Variants in MAPKAP1 observed in about 807,000 individuals in gnomAD.
The protein encoded by MAPKAP1 is MAPK associated protein 1.
Under a neutral mutation model 65.7 loss-of-function variants are expected in MAPKAP1, and 20 were observed. That is an observed-to-expected ratio of 0.30 (90% CI 0.21 to 0.44). The LOEUF (loss-of-function observed/expected upper bound fraction) is 0.44, where lower values mean the gene tolerates loss of function less well. Ranked by LOEUF, MAPKAP1 falls within the 20% of genes least tolerant of loss-of-function variation. The pLI, the probability that MAPKAP1 is intolerant of heterozygous loss-of-function variation, is 1.00. For missense variants in MAPKAP1, 423 were observed against 648.0 expected (o/e 0.65, Z 3.77); for synonymous variants, 222 against 244.3 (o/e 0.91, Z 0.85).
intron 7 of MAPKAP1, among the ~76,000 whole-genome samples, chr9:125,526,221 C>A (rs981979585): frequency 6.6e-6 from 1 of 152,192 alleles, no homozygotes; most frequent in African/African-American, 2.4e-5. Flanking sequence ...TTTCCTATGA[C>A]CTCTTCTGTA....
Position 125,518,508 on chromosome 9 carries a change from A to T in MAPKAP1, c.959-12091T>A, listed in dbSNP as rs181077407. Among the ~76,000 whole-genome samples the T allele has an allele frequency of 5.5e-3, 793 of 145,118 alleles. 5 individuals carry two copies. Among genetic ancestry groups the T allele is most frequent in the African/African-American group, 0.018 (726 of 40,264 alleles). ...TGAAACCTCGTCGCTACAAAAAATT[A>T]AAAAAAAAAAAATTAGCTGGTTGTG... On this transcript the variant is annotated intron_variant, in intron 7 of 11. Transcript: ENST00000265960.
intron 4 of MAPKAP1, among the ~76,000 whole-genome samples, chr9:125,656,441 C>T (rs1458210834): frequency 1.3e-5 from 2 of 152,128 alleles, no homozygotes; most frequent in African/African-American, 4.8e-5. Context: ...CATATTAGGA[C>T]CTTTATATTA....
intron 1 of MAPKAP1, among the ~76,000 whole-genome samples, chr9:125,682,495 C>T (rs1834853544): frequency 6.6e-6 from 1 of 152,186 alleles, no homozygotes; most frequent in Admixed American, 6.5e-5. Context: ...AACAACCTAA[C>T]CACCCACCAC....
intron 10 of MAPKAP1, among the ~76,000 whole-genome samples, chr9:125,456,506 C>A (rs1853167753): frequency 1.3e-5 from 2 of 152,146 alleles, no homozygotes; most frequent in Non-Finnish European, 1.5e-5. Context: ...TGTGTAATGC[C>A]CTTGTCTTGT....
chr9:125,542,667 T>C (rs2133169625), intron 7 of MAPKAP1, among the ~76,000 whole-genome samples: 1 of 152,298 alleles, frequency 6.6e-6, no homozygotes, highest in South Asian at 2.1e-4. Flanking sequence ...ACCACAAATA[T>C]TAGTAACTAA....
At chr9:125,455,804 C>T (rs1589205485) in intron 10 of MAPKAP1, among the ~76,000 whole-genome samples, 1 of 152,332 alleles carries the variant, frequency 6.6e-6, no homozygotes, top group East Asian at 1.9e-4. Context: ...TTGCTCCTTC[C>T]CTTTTTCTTG....
At chr9:125,508,473 C>G (rs1236118364) in intron 7 of MAPKAP1, among the ~76,000 whole-genome samples, 1 of 152,174 alleles carries the variant, frequency 6.6e-6, no homozygotes, top group Non-Finnish European at 1.5e-5. Context: ...TCCAAAATCT[C>G]CCAGCAACAC....
Position 125,553,457 on chromosome 9 carries a change from G to A in MAPKAP1, c.848+6176C>T, listed in dbSNP as rs140882099. Among the ~76,000 whole-genome samples, 474 of 152,054 alleles carry A rather than the reference G, an allele frequency of 3.1e-3. 2 individuals carry two copies. The highest frequency in any genetic ancestry group is 6.8e-3 in the Middle Eastern group (2 of 292). ...CTCGGGAGGCTGAGGCAGGAGCATC[G>A]CTTGAGTCTGGGAGGCGGAGGTTGC... On this transcript the variant is annotated intron_variant, in intron 6 of 11. Transcript: ENST00000265960.
intron 8 of MAPKAP1, among the ~76,000 whole-genome samples, chr9:125,500,288 C>T (rs552053672): frequency 3.1e-4 from 47 of 151,766 alleles, no homozygotes; most frequent in African/African-American, 9.2e-4. Context: ...CCCGGGTTCA[C>T]GCCATTCTCC....
chr9:125,577,469 C>T (rs1330643176), intron 5 of MAPKAP1, among the ~76,000 whole-genome samples: 1 of 146,288 alleles, frequency 6.8e-6, no homozygotes, highest in Non-Finnish European at 1.5e-5. Flanking sequence ...CCAGCCGCCC[C>T]GTCTGGGAGG....
At chr9:125,665,032 TG>T (rs1834300398) in intron 3 of MAPKAP1, among the ~76,000 whole-genome samples, 1 of 152,114 alleles carries the variant, frequency 6.6e-6, no homozygotes, top group Non-Finnish European at 1.5e-5. Context: ...CCAGGCACAG[TG>T]GCTCACACCT....
At chr9:125,649,995 A>G (rs1418473319) in intron 4 of MAPKAP1, among the ~76,000 whole-genome samples, 2 of 152,078 alleles carry the variant, frequency 1.3e-5, no homozygotes, top group Non-Finnish European at 2.9e-5. Flanking sequence ...GGATGGTTTC[A>G]TTATCCATCC....
chr9:125,540,615 T>C (rs1830216436), intron 7 of MAPKAP1, among the ~76,000 whole-genome samples: 1 of 152,236 alleles, frequency 6.6e-6, no homozygotes, highest in East Asian at 1.9e-4. Flanking sequence ...GGATGATCAC[T>C]CTAATTCTGT....
In MAPKAP1 at chr9:125,651,660, G is replaced by A. The variant is rs574853038; in HGVS notation, c.498+5991C>T. The stretch of plus-strand genomic sequence containing the variant: ...AATGAAGCCACTGAACAACTGAGAC[G>A]AACAGCTCCTAATTCAAAATATAGT... On this transcript the variant is annotated intron_variant, in intron 4 of 11. Coordinates refer to ENST00000265960, the MANE Select transcript of MAPKAP1 (RefSeq NM_001006617.3). Among the ~76,000 whole-genome samples, 13 of 152,196 alleles carry A rather than the reference G, an allele frequency of 8.5e-5. 1 individual carries two copies. In the South Asian group the frequency reaches 2.7e-3, roughly 32 times the overall value.
chr9:125,706,742 A>G (rs962709960), intron 1 of MAPKAP1, among the ~76,000 whole-genome samples: 2 of 150,766 alleles, frequency 1.3e-5, no homozygotes, highest in African/African-American at 4.9e-5. Flanking sequence ...CCCCCACACT[A>G]CCAGGTCAGC....
At chr9:125,532,276 GT>G (rs1175789860) in intron 7 of MAPKAP1, among the ~76,000 whole-genome samples, 5 of 152,090 alleles carry the variant, frequency 3.3e-5, no homozygotes, top group Non-Finnish European at 7.3e-5. Flanking sequence ...ATCTCACAAG[GT>G]CTTTTGTAAA....
Position 125,468,249 on chromosome 9 carries a change from G to A in MAPKAP1, c.1208-140C>T, listed in dbSNP as rs182417204. 3.1e-4 allele frequency: 251 copies of A among 822,184 alleles called. No individual in the cohort carries two copies. The East Asian group carries it at 5.1e-3, about 17-fold the overall frequency. 50.9% of individuals were successfully genotyped at this position (822,184 alleles called of 1,614,324 possible). ...TTCTTAGGGCTTTGGGGAATGCCACGGGCTTCCTGAGACAAACATAAGGAC... is the reference window on the plus strand; with the variant it reads ...TTCTTAGGGCTTTGGGGAATGCCACAGGCTTCCTGAGACAAACATAAGGAC... On this transcript the variant is annotated intron_variant, in intron 9 of 11. Coordinates refer to ENST00000265960, the MANE Select transcript of MAPKAP1 (RefSeq NM_001006617.3).
chr9:125,534,800 C>T (rs1358240561), intron 7 of MAPKAP1, among the ~76,000 whole-genome samples: 1 of 152,202 alleles, frequency 6.6e-6, no homozygotes, highest in Non-Finnish European at 1.5e-5. Context: ...TCCCTCTTTA[C>T]CTGCCTAGTT....
intron 5 of MAPKAP1, among the ~76,000 whole-genome samples, chr9:125,563,702 G>GTATTATTATTATTATTAT (rs113809428): frequency 8.9e-6 from 1 of 112,308 alleles, no homozygotes; most frequent in African/African-American, 2.6e-5. Flanking sequence ...AAAGCAAAGG[G>GTATTATTATTATTATTAT]TATTATTATT....
Sources: allele counts gnomAD v4.1 joint callset (sites outside exome capture counted in the v4.1 genomes callset), GRCh38; gene constraint gnomAD v4.1.1; transcripts MANE v1.5; gene names NCBI Gene and HGNC (gene_info 2026-07-23, HGNC 2026-07-21).